PEX5L: variants seen among roughly 807,000 people sequenced by gnomAD.
The protein encoded by PEX5L is PEX5-related protein.
A neutral mutation model predicts 84.0 loss-of-function variants in PEX5L; 30 were observed. The ratio of observed to expected loss-of-function variants is 0.36; its 90% CI spans 0.27 to 0.48. The LOEUF (loss-of-function observed/expected upper bound fraction) is 0.48, where lower values mean the gene tolerates loss of function less well. PEX5L is among the 20% of genes least tolerant of loss of function. The probability of loss-of-function intolerance (pLI) is 0.99; values close to 1 mark genes in which losing one functional copy is unlikely to be tolerated. For synonymous variants in PEX5L, 270 were observed against 283.1 expected (o/e 0.95, Z 0.46); for missense variants, 533 against 754.6 (o/e 0.71, Z 3.44).
intron 1 of PEX5L, among the ~76,000 whole-genome samples, chr3:180,015,193 A>C (rs1366774750): frequency 6.6e-6 from 1 of 152,198 alleles, no homozygotes; most frequent in Non-Finnish European, 1.5e-5. Flanking sequence ...AAACCCCTTG[A>C]GGACAGGAAC....
At chr3:179,825,687 C>T (rs577134711) in intron 8 of PEX5L, among the ~76,000 whole-genome samples, 3 of 152,240 alleles carry the variant, frequency 2.0e-5, no homozygotes, top group African/African-American at 2.4e-5. Context: ...GTAAAACAGG[C>T]TGTAATTCTG....
chr3:179,884,186 C>T (rs1755046949), intron 4 of PEX5L, among the ~76,000 whole-genome samples: 1 of 152,208 alleles, frequency 6.6e-6, no homozygotes, highest in Non-Finnish European at 1.5e-5. Flanking sequence ...AATATGGCCA[C>T]ATTCTAATCC....
intron 2 of PEX5L, among the ~76,000 whole-genome samples, chr3:179,959,074 A>T (rs926705547): frequency 3.4e-5 from 5 of 148,662 alleles, no homozygotes; most frequent in Admixed American, 1.3e-4. Flanking sequence ...AAAAAAAAAT[A>T]AAAAAAACCA....
At chr3:179,889,782 T>C (rs766271280) in intron 3 of PEX5L, among the ~76,000 whole-genome samples, 2 of 152,198 alleles carry the variant, frequency 1.3e-5, no homozygotes, top group Non-Finnish European at 2.9e-5. Flanking sequence ...TTTTAAATGT[T>C]GAGGGACTAT....
intron 2 of PEX5L, among the ~76,000 whole-genome samples, chr3:179,903,314 C>T (rs1199025395): frequency 6.6e-6 from 1 of 151,674 alleles, no homozygotes; most frequent in African/African-American, 2.4e-5. Context: ...TCAACCTCCT[C>T]GGCTCATGTG....
intron 1 of PEX5L, among the ~76,000 whole-genome samples, chr3:180,006,385 A>G (rs56335806): frequency 0.13 from 19,324 of 152,042 alleles, 1,347 homozygotes; most frequent in African/African-American, 0.19. Context: ...TCATTTTTAC[A>G]AAAAATATAT....
rs907132172 is a variant in PEX5L at position 180,036,559 on chromosome 3, G to C, written c.21+20C>G. 2 of 1,612,528 alleles carry C rather than the reference G, an allele frequency of 1.2e-6. No individual in the cohort carries two copies. Among genetic ancestry groups the C allele is most frequent in the Non-Finnish European group, 1.7e-6 (2 of 1,178,484 alleles). On this transcript the variant is annotated intron_variant, in intron 1 of 14. Transcript: ENST00000467460. ...AATTAGCCCCCAAGAATTCTCTCCA[G>C]CCCTATAGAAATGTCTTACCTGCAT...
chr3:180,025,192 G>T (rs1427584907), intron 1 of PEX5L, among the ~76,000 whole-genome samples: 1 of 152,132 alleles, frequency 6.6e-6, no homozygotes, highest in African/African-American at 2.4e-5. Context: ...TGTTTCCACA[G>T]CTCATGGGAA....
At chr3:180,023,769 C>CAG (rs1790635256) in intron 1 of PEX5L, among the ~76,000 whole-genome samples, 1 of 149,422 alleles carries the variant, frequency 6.7e-6, no homozygotes, top group Non-Finnish European at 1.5e-5. Context: ...CACGCACACA[C>CAG]ACAGAGAGAG....
chr3:179,900,780 T>C (rs1761029960), intron 2 of PEX5L: 1 of 1,383,288 alleles, frequency 7.2e-7, no homozygotes. Flanking sequence ...TGCTAGCAAC[T>C]TTTTTCTTTA....
chr3:179,925,197 A>C (rs1192746827), intron 2 of PEX5L, among the ~76,000 whole-genome samples: 1 of 152,142 alleles, frequency 6.6e-6, no homozygotes, highest in South Asian at 2.1e-4. Flanking sequence ...AACTCTGCCT[A>C]ATGTTATTTT....
intron 8 of PEX5L, among the ~76,000 whole-genome samples, chr3:179,855,806 A>T (rs1474926484): frequency 6.6e-6 from 1 of 152,184 alleles, no homozygotes; most frequent in Admixed American, 6.5e-5. Flanking sequence ...GGTGCCATCT[A>T]TGAGGAATGG....
At chr3:180,012,596 C>T (rs1033385502) in intron 1 of PEX5L, among the ~76,000 whole-genome samples, 1 of 151,170 alleles carries the variant, frequency 6.6e-6, no homozygotes, top group Admixed American at 6.6e-5. Flanking sequence ...CTAGGTACTA[C>T]AAAAAAGAGT....
At chr3:179,808,704 A>T (rs1015869526) in intron 12 of PEX5L, among the ~76,000 whole-genome samples, 1 of 152,202 alleles carries the variant, frequency 6.6e-6, no homozygotes, top group Non-Finnish European at 1.5e-5. Context: ...TATGAGTGCC[A>T]ATGTGGAAAA....
At chr3:179,950,489 G>A (rs996539156) in intron 2 of PEX5L, among the ~76,000 whole-genome samples, 2 of 150,166 alleles carry the variant, frequency 1.3e-5, no homozygotes, top group African/African-American at 2.4e-5. Context: ...TTGTGCACAT[G>A]TACCCTAGAA....
intron 8 of PEX5L, among the ~76,000 whole-genome samples, chr3:179,823,349 A>G (rs1238884701): frequency 1.3e-5 from 2 of 152,172 alleles, no homozygotes; most frequent in African/African-American, 4.8e-5. Flanking sequence ...ATGTTTATGA[A>G]TAGTTTATTA....
At chr3:179,819,471 G>A (rs1229599713) in intron 9 of PEX5L, among the ~76,000 whole-genome samples, 1 of 152,088 alleles carries the variant, frequency 6.6e-6, no homozygotes, top group Admixed American at 6.6e-5. Flanking sequence ...CATGCCACTG[G>A]TATCACTTCT....
chr3:179,892,456 A>G (rs1757911094), intron 3 of PEX5L, among the ~76,000 whole-genome samples: 1 of 152,132 alleles, frequency 6.6e-6, no homozygotes, highest in Non-Finnish European at 1.5e-5. Context: ...GACTTCCTTT[A>G]GAGTAGAGAT....
At chr3:179,875,564 C>T (rs2302743) in intron 5 of PEX5L, 87 bp from the exon 6 acceptor site, 381,277 of 845,656 alleles carry the variant, frequency 0.45, 95,654 homozygotes, top group East Asian at 0.81. Flanking sequence ...GAGGGTGGAG[C>T]GTGTGGTGCA....
Sources: gnomAD v4.1 joint callset for allele counts (sites outside exome capture counted in the v4.1 genomes callset) on GRCh38, gnomAD v4.1.1 for gene constraint, MANE v1.5 for transcripts, NCBI Gene and HGNC (gene_info 2026-07-23, HGNC 2026-07-21) for gene names.